IQCH: variants seen among roughly 807,000 people sequenced by gnomAD.
IQCH encodes the protein IQ motif containing H, also known as IQ domain-containing protein H.
A neutral mutation model predicts 117.0 loss-of-function variants in IQCH; 98 were observed. The observed-to-expected ratio is 0.84, with a 90% CI of 0.71 to 0.99. IQCH has a LOEUF of 0.99. Among genes scored for constraint, IQCH ranks in the 50% least tolerant of loss-of-function variants. The probability of loss-of-function intolerance (pLI) is 0.00; values close to 1 mark genes in which losing one functional copy is unlikely to be tolerated. For missense variants in IQCH, 1,102 were observed against 1,243.8 expected (o/e 0.89, Z 1.72); for synonymous variants, 412 against 448.2 (o/e 0.92, Z 1.02).
intron 6 of IQCH, among the ~76,000 whole-genome samples, chr15:67,346,079 T>C (rs572715523): frequency 6.6e-6 from 1 of 152,008 alleles, no homozygotes; most frequent in Admixed American, 6.5e-5. Flanking sequence ...AAAGATACCA[T>C]ACAAACAATA....
intron 4 of IQCH, among the ~76,000 whole-genome samples, chr15:67,302,966 A>G (rs1009856270): frequency 2.0e-5 from 3 of 152,230 alleles, no homozygotes; most frequent in African/African-American, 7.2e-5. Context: ...TATCTAGCAT[A>G]CATTCTGTAG....
At chr15:67,480,331 G>A (rs1352985804) in intron 18 of IQCH, among the ~76,000 whole-genome samples, 1 of 152,184 alleles carries the variant, frequency 6.6e-6, no homozygotes, top group East Asian at 1.9e-4. Context: ...GGTAATACGT[G>A]TCCTTGTTAT....
chr15:67,258,965 G>A (rs1965346870), intron 1 of IQCH, among the ~76,000 whole-genome samples: 1 of 152,070 alleles, frequency 6.6e-6, no homozygotes, highest in African/African-American at 2.4e-5. Context: ...TAAGAGGGGA[G>A]GAGAAAATAT....
At chr15:67,434,086 G>T (rs1350316313) in intron 16 of IQCH, among the ~76,000 whole-genome samples, 4 of 152,020 alleles carry the variant, frequency 2.6e-5, no homozygotes, top group African/African-American at 9.7e-5. Flanking sequence ...GTGTGTGTGT[G>T]TGGTCAGAAG....
In IQCH at chr15:67,413,070, GGTGTGTGT is replaced by G. The variant is rs35806920; in HGVS notation, c.2098-3838_2098-3831del. ...ATTGGAGTGTTTGTCTGTTATGGAA[GGTGTGTGT>G]GTGTGTGTGTGTGTGTGTGTGTCTG... is the stretch of plus-strand genomic sequence containing the variant. On this transcript the variant is annotated intron_variant, in intron 14 of 20. Transcript: ENST00000335894. The surrounding 1 kb of genome is among the most constrained non-coding windows in gnomAD (Gnocchi z 5.0). 6.1e-5 allele frequency among the ~76,000 whole-genome samples: 9 copies of G among 147,960 alleles called. No individual in the cohort carries two copies. The highest frequency in any genetic ancestry group is 2.0e-4 in the Admixed American group (3 of 14,762).
At chr15:67,331,583 A>G (rs1275524354) in intron 4 of IQCH, among the ~76,000 whole-genome samples, 4 of 152,244 alleles carry the variant, frequency 2.6e-5, no homozygotes, top group African/African-American at 7.2e-5. Flanking sequence ...AGATATACCT[A>G]TTAGTTTGGT....
intron 3 of IQCH, among the ~76,000 whole-genome samples, chr15:67,266,022 A>G (rs1965654764): frequency 6.6e-6 from 1 of 152,146 alleles, no homozygotes; most frequent in Admixed American, 6.6e-5. Flanking sequence ...GTCAAAGAGG[A>G]GACTTAACTT....
In IQCH at chr15:67,403,002, C is replaced by T. The variant is rs978915401; in HGVS notation, c.2097+2697C>T. ...GTGGCTCATGCCTGTAATCCTAGCA[C>T]TCTGGGAGGCCAAGGCGGGTGAATC... On this transcript the variant is annotated intron_variant, in intron 14 of 20. Coordinates refer to ENST00000335894, the MANE Select transcript of IQCH (RefSeq NM_001031715.3). The surrounding 1 kb of genome is among the most constrained non-coding windows in gnomAD (Gnocchi z 4.8). Among the ~76,000 whole-genome samples, 2 of 152,190 alleles carry T rather than the reference C, an allele frequency of 1.3e-5. No homozygotes were observed. Among genetic ancestry groups the T allele is most frequent in the South Asian group, 2.1e-4 (1 of 4,830 alleles).
intron 4 of IQCH, among the ~76,000 whole-genome samples, chr15:67,332,721 A>G (rs1968717965): frequency 6.6e-6 from 1 of 152,196 alleles, no homozygotes; most frequent in Non-Finnish European, 1.5e-5. Context: ...TCAGGACATC[A>G]AGAGAGTTCT....
Position 67,395,657 on chromosome 15 carries a change from C to A in IQCH, c.1905+94C>A. ...CAAGTCTTCTGGAGCCAGACCTACC[C>A]AATGAAGAATAGGTGGAATATTTGA... On this transcript the variant is annotated intron_variant, in intron 13 of 20. Transcript: ENST00000335894. The surrounding 1 kb of genome is among the most constrained non-coding windows in gnomAD (Gnocchi z 4.0). The A allele has an allele frequency of 3.8e-6, 4 of 1,053,152 alleles. No individual in the cohort carries two copies. The highest frequency in any genetic ancestry group is 5.6e-6 in the Non-Finnish European group (4 of 714,632). The allele number at this position is 1,053,152 out of a possible 1,614,324, so 65.2% of individuals were successfully genotyped here.
chr15:67,292,411 C>T (rs1304521126), intron 4 of IQCH, among the ~76,000 whole-genome samples: 1 of 152,010 alleles, frequency 6.6e-6, no homozygotes, highest in Non-Finnish European at 1.5e-5. Flanking sequence ...CTGCATGCCA[C>T]CATACCTGGC....
rs1460604803 is a variant in IQCH, at chr15:67,405,259, T to C, written c.2097+4954T>C. The C allele has an allele frequency of 6.6e-6, 1 of 152,230 alleles. No homozygotes were observed. The highest frequency in any genetic ancestry group is 1.9e-4 in the East Asian group (1 of 5,204). 9.4% of individuals were successfully genotyped at this position (152,230 alleles called of 1,614,324 possible). On this transcript the variant is annotated intron_variant, in intron 14 of 20. Coordinates refer to ENST00000335894, the MANE Select transcript of IQCH (RefSeq NM_001031715.3). This position sits in a 1 kb window ranked among gnomAD's most constrained non-coding sequence, Gnocchi z 4.8. ...TATTGTTCACTTGTTTTTATATTTA[T>C]TTTTATATGTTGAAATCTTGATGTC... is the stretch of plus-strand genomic sequence containing the variant.
At chr15:67,265,549 G>A (rs987505934) in intron 3 of IQCH, among the ~76,000 whole-genome samples, 19 of 152,130 alleles carry the variant, frequency 1.2e-4, no homozygotes, top group African/African-American at 3.9e-4. Context: ...AAATGAGATG[G>A]GACAAGGTTA....
intron 3 of IQCH, among the ~76,000 whole-genome samples, chr15:67,278,596 T>C (rs1966224669): frequency 6.6e-6 from 1 of 152,218 alleles, no homozygotes; most frequent in Admixed American, 6.5e-5. Context: ...AGAAGAGTTG[T>C]TTTCATTTAG....
chr15:67,415,217 A>G (rs757013796), intron 14 of IQCH, among the ~76,000 whole-genome samples: 2 of 152,156 alleles, frequency 1.3e-5, no homozygotes, highest in Non-Finnish European at 2.9e-5. Context: ...CACAGTAAAG[A>G]TCAGAGAAAA....
intron 4 of IQCH, among the ~76,000 whole-genome samples, chr15:67,305,993 A>G (rs888563651): frequency 6.6e-6 from 1 of 152,046 alleles, no homozygotes; most frequent in East Asian, 1.9e-4. Flanking sequence ...ACTGTATTAA[A>G]TCTCCTTTTT....
chr15:67,421,379 G>A lies in IQCH; in HGVS notation c.2307G>A (p.Val769=), dbSNP rs2081737569. ...TAGAGCCCAACGGGAAAATCAGCGT[G>A]CTGTCGACAGGGGACCAGCTTCATG... is the stretch of plus-strand genomic sequence containing the variant. The part of the protein sequence containing the change: ...MLIEPNGKIS[V]LSTGDQLHAE... The change falls in exon 16 of 21, where the codon GTG becomes GTA. Residue 769 remains valine, a synonymous_variant. Transcript: ENST00000335894. 1 of 1,614,098 alleles carries A rather than the reference G, an allele frequency of 6.2e-7. No homozygotes were observed. The highest frequency in any genetic ancestry group is 1.3e-5 in the African/African-American group (1 of 74,938).
rs556316458 is a variant in IQCH, at chr15:67,391,791, C to T, written c.1632+2785C>T. On this transcript the variant is annotated intron_variant, in intron 12 of 20. Transcript: ENST00000335894. This position sits in a 1 kb window ranked among gnomAD's most constrained non-coding sequence, Gnocchi z 4.3. ...AAATCTTTATTAAACACATATTGAA[C>T]ACAATACTGTGGCAGCATCTTGCCT... 1.2e-4 allele frequency among the ~76,000 whole-genome samples: 19 copies of T among 152,168 alleles called. No homozygotes were observed. Among genetic ancestry groups the T allele is most frequent in the Non-Finnish European group, 2.4e-4 (16 of 68,042 alleles).
At chr15:67,452,147 C>T (rs1442431977) in intron 16 of IQCH, among the ~76,000 whole-genome samples, 1 of 152,164 alleles carries the variant, frequency 6.6e-6, no homozygotes, top group African/African-American at 2.4e-5. Flanking sequence ...TTCCTGAATA[C>T]AGCACACTGA....
Sources: allele counts gnomAD v4.1 joint callset (sites outside exome capture counted in the v4.1 genomes callset), GRCh38; gene constraint gnomAD v4.1.1; non-coding constraint Gnocchi (gnomAD v3.1); transcripts MANE v1.5; gene names NCBI Gene and HGNC (gene_info 2026-07-23, HGNC 2026-07-21).